Variants in RAPH1 observed in about 807,000 individuals in gnomAD.
RAPH1 encodes Ras association (RalGDS/AF-6) and pleckstrin homology domains 1.
In RAPH1, 18 loss-of-function variants were observed where a neutral mutation model predicts 88.1. The observed-to-expected ratio is 0.20, with a 90% CI of 0.14 to 0.30. The LOEUF is 0.30. Among genes scored for constraint, RAPH1 ranks in the 10% least tolerant of loss-of-function variants. The pLI, the probability that RAPH1 is intolerant of heterozygous loss-of-function variation, is 1.00. For synonymous variants in RAPH1, 587 were observed against 559.0 expected (o/e 1.05, Z -0.71); for missense variants, 1,448 against 1,543.2 (o/e 0.94, Z 1.03).
intron 4 of RAPH1, among the ~76,000 whole-genome samples, chr2:203,486,377 A>G (rs1687972823): frequency 6.6e-6 from 1 of 152,234 alleles, no homozygotes; most frequent in South Asian, 2.1e-4. Context: ...TATGAGCTCA[A>G]TCAAAATATA....
chr2:203,482,817 A>G (rs1042683253), intron 4 of RAPH1, among the ~76,000 whole-genome samples: 2 of 143,986 alleles, frequency 1.4e-5, no homozygotes, highest in Non-Finnish European at 2.9e-5. Context: ...AAAACAAAAC[A>G]AAACAAAACA....
At chr2:203,517,975 T>G (rs1412912302) in intron 1 of RAPH1, among the ~76,000 whole-genome samples, 2 of 151,890 alleles carry the variant, frequency 1.3e-5, no homozygotes, top group Non-Finnish European at 2.9e-5. Flanking sequence ...AAGAGCAAAT[T>G]AAATCCTAAA....
At chr2:203,478,037 T>TA (rs1687543692) in intron 4 of RAPH1, among the ~76,000 whole-genome samples, 1 of 115,120 alleles carries the variant, frequency 8.7e-6, no homozygotes, top group Non-Finnish European at 1.7e-5. Flanking sequence ...TAACTTTTTG[T>TA]TTTTTTTTTT....
chr2:203,479,957 G>A (rs886328249), intron 4 of RAPH1, among the ~76,000 whole-genome samples: 1 of 151,824 alleles, frequency 6.6e-6, no homozygotes, highest in South Asian at 2.1e-4. Flanking sequence ...CTCAAAATAC[G>A]TAACAAAAAT....
intron 1 of RAPH1, among the ~76,000 whole-genome samples, chr2:203,506,846 C>CTATATATATA (rs1277788456): frequency 1.1e-4 from 7 of 66,468 alleles, no homozygotes; most frequent in African/African-American, 2.1e-4. Flanking sequence ...ATCTATATAT[C>CTATATATATA]TATCTATATC....
At chr2:203,529,005 A>ATATATATATATTTTTTTT (rs1553633903) in intron 1 of RAPH1, among the ~76,000 whole-genome samples, 2 of 41,154 alleles carry the variant, frequency 4.9e-5, no homozygotes, top group African/African-American at 1.2e-4. Context: ...ATATATATAT[A>ATATATATATATTTTTTTT]TTTTTTTTTT....
intron 1 of RAPH1, among the ~76,000 whole-genome samples, chr2:203,521,754 TA>T (rs1689884267): frequency 6.6e-6 from 1 of 152,172 alleles, no homozygotes; most frequent in African/African-American, 2.4e-5. Context: ...TATATTATTA[TA>T]AGGCAGATGT....
intron 1 of RAPH1, among the ~76,000 whole-genome samples, chr2:203,505,521 A>G (rs1688949089): frequency 6.6e-6 from 1 of 152,150 alleles, no homozygotes; most frequent in African/African-American, 2.4e-5. Flanking sequence ...GGACACAGCC[A>G]AACCATATCA....
In RAPH1 at chr2:203,448,495, A is replaced by C. The variant is rs2098511956; in HGVS notation, c.1512+243T>G. Reference sequence around the variant, plus strand: ...ATAATGCATTCTCCAAAGCCAAAATAAATCACTTTGATACTACACAAGCTT... The same window carrying C: ...ATAATGCATTCTCCAAAGCCAAAATCAATCACTTTGATACTACACAAGCTT... On this transcript the variant is annotated intron_variant, in intron 11 of 13. Transcript: ENST00000319170. The surrounding 1 kb of genome is among the most constrained non-coding windows in gnomAD (Gnocchi z 4.1). 1.3e-5 allele frequency among the ~76,000 whole-genome samples: 2 copies of C among 152,214 alleles called. No homozygotes were observed. Among genetic ancestry groups the C allele is most frequent in the African/African-American group, 4.8e-5 (2 of 41,444 alleles).
At chr2:203,528,472 T>C (rs192984084) in intron 1 of RAPH1, among the ~76,000 whole-genome samples, 85 of 152,306 alleles carry the variant, frequency 5.6e-4, no homozygotes, top group African/African-American at 1.9e-3. Flanking sequence ...ATCTGCATAA[T>C]TGATGGATAC....
rs1192684592 is a variant in RAPH1 at position 203,435,583 on chromosome 2, C to T, written c.*3854G>A. On this transcript the variant is annotated 3_prime_UTR_variant, in exon 14 of 14. Transcript: ENST00000319170. ...GGTTTTCTTCCCCTAGAAACAGTCACCCTCTCGTCAAGTGTATGACCCAAT... is the reference window on the plus strand; with the variant it reads ...GGTTTTCTTCCCCTAGAAACAGTCATCCTCTCGTCAAGTGTATGACCCAAT... The T allele has an allele frequency of 2.0e-5, 3 of 151,854 alleles. No individual in the cohort carries two copies. The highest frequency in any genetic ancestry group is 4.4e-5 in the Non-Finnish European group (3 of 68,002). The allele number at this position is 151,854 out of a possible 1,614,324, so 9.4% of individuals were successfully genotyped here. A position where few individuals can be genotyped will look rare whatever the true frequency, so the allele number is the denominator to read the frequency against.
At chr2:203,516,926 C>T (rs778891046) in intron 1 of RAPH1, among the ~76,000 whole-genome samples, 35 of 151,086 alleles carry the variant, frequency 2.3e-4, no homozygotes, top group African/African-American at 3.4e-4. Flanking sequence ...TCCAGCTACT[C>T]GGGAGGCTGA....
At chr2:203,459,091 G>C (rs113796732) in intron 7 of RAPH1, among the ~76,000 whole-genome samples, 4,375 of 152,070 alleles carry the variant, frequency 0.029, 78 homozygotes, top group Non-Finnish European at 0.04. Context: ...GGATGGTCTC[G>C]ATCTCCTGAC....
intron 4 of RAPH1, among the ~76,000 whole-genome samples, chr2:203,488,146 TTC>T (rs973632672): frequency 3.9e-5 from 6 of 152,214 alleles, no homozygotes; most frequent in Admixed American, 2.0e-4. Flanking sequence ...CAATAAAGAA[TTC>T]TCTTTCACCA....
chr2:203,507,934 C>T (rs1019408463), intron 1 of RAPH1, among the ~76,000 whole-genome samples: 3 of 151,732 alleles, frequency 2.0e-5, no homozygotes, highest in Admixed American at 6.6e-5. Context: ...ACACTGGGGC[C>T]GGGCACGGTG....
chr2:203,463,145 T>C (rs2098525486), intron 4 of RAPH1, among the ~76,000 whole-genome samples: 1 of 150,316 alleles, frequency 6.7e-6, no homozygotes, highest in African/African-American at 2.5e-5. Flanking sequence ...GAGGCTGCAG[T>C]GAGCTAAGAT....
intron 1 of RAPH1, among the ~76,000 whole-genome samples, chr2:203,527,090 T>C (rs961370441): frequency 2.0e-5 from 3 of 152,148 alleles, no homozygotes; most frequent in Non-Finnish European, 4.4e-5. Context: ...GGCCTAACAA[T>C]ACTTCAGTAA....
At chr2:203,485,808 T>C (rs894202432) in intron 4 of RAPH1, among the ~76,000 whole-genome samples, 1 of 152,082 alleles carries the variant, frequency 6.6e-6, no homozygotes, top group Non-Finnish European at 1.5e-5. Flanking sequence ...ACATCTAGTG[T>C]GTACAGGCCA....
intron 5 of RAPH1, 148 bp from the exon 6 acceptor site, chr2:203,461,556 TA>T: frequency 2.1e-6 from 1 of 485,692 alleles, no homozygotes; most frequent in Non-Finnish European, 3.5e-6. Context: ...AAATATAGGC[TA>T]AAAATCAGAC....
Sources: allele counts gnomAD v4.1 joint callset (sites outside exome capture counted in the v4.1 genomes callset), GRCh38; gene constraint gnomAD v4.1.1; non-coding constraint Gnocchi (gnomAD v3.1); transcripts MANE v1.5; gene names NCBI Gene and HGNC (gene_info 2026-07-23, HGNC 2026-07-21).